The following RAB27B variants were observed in gnomAD, a reference collection of about 807,000 sequenced individuals.
RAB27B encodes RAB27B, member RAS oncogene family.
A neutral mutation model predicts 24.6 loss-of-function variants in RAB27B; 15 were observed. The ratio of observed to expected loss-of-function variants is 0.61; its 90% CI spans 0.41 to 0.94. The LOEUF (loss-of-function observed/expected upper bound fraction) is 0.94, where lower values mean the gene tolerates loss of function less well. Ranked by LOEUF, RAB27B falls within the 40% of genes least tolerant of loss-of-function variation. RAB27B has a pLI of 0.00. For synonymous variants in RAB27B, 105 were observed against 92.5 expected, an observed-to-expected ratio of 1.14 and a Z score of -0.78; for missense variants, 261 against 266.8, an observed-to-expected ratio of 0.98 and a Z score of 0.15.
At chr18:54,803,901 T>C (rs766329288) in intron 2 of RAB27B, among the ~76,000 whole-genome samples, 1 of 152,166 alleles carries the variant, frequency 6.6e-6, no homozygotes, top group Non-Finnish European at 1.5e-5. Context: ...GTGAAATCAA[T>C]GATTAGGAAA....
At position 54,886,640 on chromosome 18, in the gene RAB27B, C is replaced by A. The variant is rs189777858; in HGVS notation, c.344-1355C>A. ...CAAATTTTGGTGGTAGCTTTAGATT[C>A]CCAGGAGACAAGGAGATAATAAGCT... On this transcript the variant is annotated intron_variant, in intron 4 of 5. Transcript: ENST00000262094. Among the ~76,000 whole-genome samples, 190 of 151,950 alleles carry A rather than the reference C, an allele frequency of 1.3e-3. 2 individuals carry two copies. The highest frequency in any genetic ancestry group is 4.4e-3 in the African/African-American group (184 of 41,474).
chr18:54,778,203 G>A (rs1345350854), intron 2 of RAB27B, among the ~76,000 whole-genome samples: 1 of 152,130 alleles, frequency 6.6e-6, no homozygotes, highest in East Asian at 1.9e-4. Flanking sequence ...TCCAGGGTTA[G>A]CATTTGGGCA....
chr18:54,819,930 T>C (rs183283897), intron 2 of RAB27B, among the ~76,000 whole-genome samples: 4 of 152,246 alleles, frequency 2.6e-5, no homozygotes, highest in African/African-American at 9.6e-5. Context: ...TTCATCCATG[T>C]CCCTACAAAG....
At chr18:54,881,746 T>C (rs1000187253) in intron 3 of RAB27B, among the ~76,000 whole-genome samples, 1 of 152,148 alleles carries the variant, frequency 6.6e-6, no homozygotes, top group Non-Finnish European at 1.5e-5. Flanking sequence ...ATATCAAAGA[T>C]ACTGGACAGA....
chr18:54,718,272 A>C (rs751285346), intron 2 of RAB27B: 6 of 152,072 alleles, frequency 3.9e-5, no homozygotes, highest in Non-Finnish European at 7.4e-5. Flanking sequence ...AAATGCAACT[A>C]GATGGTGACA....
chr18:54,768,443 A>G (rs550916740), intron 2 of RAB27B, among the ~76,000 whole-genome samples: 6 of 152,242 alleles, frequency 3.9e-5, no homozygotes, highest in African/African-American at 1.2e-4. Flanking sequence ...CCTACTCTTT[A>G]TGTATAGATA....
rs768902755 is a variant in RAB27B at position 54,889,244 on chromosome 18, G to C, written c.488G>C (p.Ser163Thr). The C allele has an allele frequency of 6.2e-7, 1 of 1,608,032 alleles. No homozygotes were observed. Among genetic ancestry groups the C allele is most frequent in the Non-Finnish European group, 8.5e-7 (1 of 1,177,776 alleles). Residue 163 changes from serine (S) to threonine (T), a missense_variant, in exon 6 of 6, where the codon AGT (serine) becomes ACT (threonine). Transcript: ENST00000262094. ...GCTAGCATACCATATTTTGAAACAA[G>C]TGCAGCAACTGGACAGAATGTGGAG... ...DKYGIPYFETSAATGQNVEKA... is the reference protein window; with the variant it reads ...DKYGIPYFETTAATGQNVEKA...
chr18:54,776,938 G>A (rs538477562), intron 2 of RAB27B, among the ~76,000 whole-genome samples: 24 of 152,212 alleles, frequency 1.6e-4, no homozygotes, highest in African/African-American at 5.1e-4. Context: ...TCAGCTACTC[G>A]GGAGGTTGAG....
At chr18:54,792,758 G>A (rs1909292109) in intron 2 of RAB27B, among the ~76,000 whole-genome samples, 1 of 152,282 alleles carries the variant, frequency 6.6e-6, no homozygotes, top group Admixed American at 6.5e-5. Context: ...CTGGATTACT[G>A]ATGGAAGAAA....
At chr18:54,840,148 T>G (rs1911052088) in intron 1 of RAB27B, among the ~76,000 whole-genome samples, 1 of 152,214 alleles carries the variant, frequency 6.6e-6, no homozygotes, top group Non-Finnish European at 1.5e-5. Flanking sequence ...GATTGTCTTC[T>G]TGAGTATCTT....
At chr18:54,871,278 G>T (rs1382819441) in intron 1 of RAB27B, among the ~76,000 whole-genome samples, 1 of 152,152 alleles carries the variant, frequency 6.6e-6, no homozygotes, top group African/African-American at 2.4e-5. Flanking sequence ...GGTCCTTAGA[G>T]TACTTTAGCC....
At chr18:54,770,274 T>G (rs1039416293) in intron 2 of RAB27B, among the ~76,000 whole-genome samples, 3 of 152,064 alleles carry the variant, frequency 2.0e-5, no homozygotes, top group Non-Finnish European at 4.4e-5. Context: ...GAGCAAAGCT[T>G]CTTCTGTGTT....
At chr18:54,824,830 T>A (rs1009630202), upstream of RAB27B, among the ~76,000 whole-genome samples, 19 of 152,182 alleles carry the variant, frequency 1.2e-4, no homozygotes, top group African/African-American at 4.3e-4. Context: ...TTCCATTTTT[T>A]TTTTTCTTGG....
At chr18:54,813,398 T>G (rs957171613) in intron 2 of RAB27B, among the ~76,000 whole-genome samples, 1 of 152,240 alleles carries the variant, frequency 6.6e-6, no homozygotes, top group Admixed American at 6.5e-5. Flanking sequence ...GATCCCCAGG[T>G]TGACAGTGGG....
At chr18:54,857,001 T>C (rs1911810100) in intron 1 of RAB27B, among the ~76,000 whole-genome samples, 1 of 152,238 alleles carries the variant, frequency 6.6e-6, no homozygotes, top group African/African-American at 2.4e-5. Flanking sequence ...ATTTCCATTT[T>C]CTTCCTTCAT....
intron 5 of RAB27B, 162 bp downstream of exon 5, chr18:54,888,280 TTAA>T (rs1913228122): frequency 5.6e-6 from 4 of 718,330 alleles, no homozygotes; most frequent in Non-Finnish European, 8.3e-6. Context: ...AATGAATTAC[TTAA>T]TAATAAGAGC....
At chr18:54,727,680 G>T (rs918866023) in intron 2 of RAB27B, among the ~76,000 whole-genome samples, 1 of 152,098 alleles carries the variant, frequency 6.6e-6, no homozygotes, top group Non-Finnish European at 1.5e-5. Flanking sequence ...TTGCCTTTTA[G>T]ATATAATCAC....
intron 2 of RAB27B, among the ~76,000 whole-genome samples, chr18:54,762,904 C>T (rs1330533785): frequency 2.0e-5 from 3 of 152,132 alleles, no homozygotes; most frequent in Non-Finnish European, 4.4e-5. Flanking sequence ...ATCCCTCACA[C>T]CTGGGGGGTT....
At chr18:54,833,234 C>CTTTCT (rs1555661161) in intron 1 of RAB27B, among the ~76,000 whole-genome samples, 4 of 129,520 alleles carry the variant, frequency 3.1e-5, no homozygotes, top group Non-Finnish European at 4.8e-5. Flanking sequence ...TTCTTTCTTT[C>CTTTCT]TTTTTTTTTT....
Sources: gnomAD v4.1 joint callset for allele counts (sites outside exome capture counted in the v4.1 genomes callset) on GRCh38, gnomAD v4.1.1 for gene constraint, MANE v1.5 for transcripts, NCBI Gene and HGNC (gene_info 2026-07-23, HGNC 2026-07-21) for gene names.